Variants in ZNF423 observed in about 807,000 individuals in gnomAD.
ZNF423 encodes the protein Ebf-associated zinc finger protein.
ZNF423 carries 12 observed loss-of-function variants against 95.8 expected under a neutral mutation model. The ratio of observed to expected loss-of-function variants is 0.13; its 90% CI spans 0.08 to 0.20. The LOEUF is 0.20. Ranked by LOEUF, ZNF423 falls within the 10% of genes least tolerant of loss-of-function variation. The pLI, the probability that ZNF423 is intolerant of heterozygous loss-of-function variation, is 1.00. For synonymous variants in ZNF423, 749 were observed against 711.9 expected (o/e 1.05, Z -0.83); for missense variants, 1,316 against 1,737.1 (o/e 0.76, Z 4.31).
At chr16:49,563,219 G>T (rs1364618939) in intron 5 of ZNF423, among the ~76,000 whole-genome samples, 1 of 152,172 alleles carries the variant, frequency 6.6e-6, no homozygotes, top group East Asian at 1.9e-4. Flanking sequence ...ACAGGGGAAG[G>T]AGCGTGAGTG....
intron 5 of ZNF423, among the ~76,000 whole-genome samples, chr16:49,587,078 CA>C (rs1384996552): frequency 6.6e-6 from 1 of 152,148 alleles, no homozygotes; most frequent in African/African-American, 2.4e-5. Flanking sequence ...CTCGCTGTCA[CA>C]AAGAGAGGGA....
chr16:49,683,927 C>T (rs2031467054), intron 3 of ZNF423, among the ~76,000 whole-genome samples: 1 of 152,100 alleles, frequency 6.6e-6, no homozygotes, highest in African/African-American at 2.4e-5. Context: ...AAAAATTAGC[C>T]AGGCTTAGTG....
intron 1 of ZNF423, among the ~76,000 whole-genome samples, chr16:49,848,061 G>A (rs1056899233): frequency 6.6e-5 from 10 of 151,952 alleles, no homozygotes; most frequent in Admixed American, 3.9e-4. Flanking sequence ...CTACGATCAC[G>A]TCACTGCACT....
At chr16:49,499,499 G>A (rs967145194) in intron 7 of ZNF423, among the ~76,000 whole-genome samples, 8 of 152,234 alleles carry the variant, frequency 5.3e-5, no homozygotes, top group South Asian at 2.1e-4. Flanking sequence ...CAGATGCAGC[G>A]ACCTGAGTCA....
In ZNF423 at chr16:49,575,053, G is replaced by A. The variant is rs556602053; in HGVS notation, c.3602-49559C>T. Among the ~76,000 whole-genome samples, 42 of 152,212 alleles carry A rather than the reference G, an allele frequency of 2.8e-4. No individual in the cohort carries two copies. In the East Asian group the frequency reaches 7.7e-3, roughly 28 times the overall value. On this transcript the variant is annotated intron_variant, in intron 5 of 7. Transcript: ENST00000563137. ...ATGCAGCTTCCACAGGCGGATCGAG[G>A]GGTCGGGCCCATACCAGACTGCCAG...
chr16:49,511,051 G>C lies in ZNF423; in HGVS notation c.3849+12573C>G, dbSNP rs1967877754. On this transcript the variant is annotated intron_variant, in intron 7 of 7. Coordinates refer to ENST00000563137, the MANE Select transcript of ZNF423 (RefSeq NM_001379286.1). ...CTGGGCCTTGAGGGGAGGCCCCCCA[G>C]TCCCCACCTGGGCCTCCACACACTT... Among the ~76,000 whole-genome samples the C allele has an allele frequency of 2.0e-5, 3 of 152,304 alleles. No homozygotes were observed. In the South Asian group the frequency reaches 6.2e-4, roughly 32 times the overall value.
At chr16:49,561,850 G>T (rs1035641074) in intron 5 of ZNF423, among the ~76,000 whole-genome samples, 8 of 152,194 alleles carry the variant, frequency 5.3e-5, no homozygotes, top group African/African-American at 1.7e-4. Flanking sequence ...GAAGACGCCA[G>T]GATTGCGGTC....
At position 49,490,906 on chromosome 16, in the gene ZNF423, AAAAG is replaced by A. The variant is rs1966931210; in HGVS notation, c.*365_*368del. The A allele has an allele frequency of 4.8e-6, 1 of 209,052 alleles. No individual in the cohort carries two copies. Among genetic ancestry groups the A allele is most frequent in the Non-Finnish European group, 9.6e-6 (1 of 104,676 alleles). 12.9% of individuals were successfully genotyped at this position (209,052 alleles called of 1,614,324 possible). A position where few individuals can be genotyped will look rare whatever the true frequency, so the allele number is the denominator to read the frequency against. On this transcript the variant is annotated 3_prime_UTR_variant, in exon 8 of 8. Coordinates refer to ENST00000563137, the MANE Select transcript of ZNF423 (RefSeq NM_001379286.1). ...GGGGGAAGAAAAACAAGAAAGAAAA[AAAAG>A]AAGCAAAGAAAAAAAATCACACTAA...
rs370865299 is a variant in ZNF423 at position 49,852,466 on chromosome 16, T to C, written c.40+3269A>G. Among the ~76,000 whole-genome samples the C allele has an allele frequency of 3.3e-4, 50 of 152,194 alleles. No individual in the cohort carries two copies. The East Asian group carries it at 4.6e-3, about 14-fold the overall frequency. On this transcript the variant is annotated intron_variant, in intron 1 of 7. Coordinates refer to ENST00000563137, the MANE Select transcript of ZNF423 (RefSeq NM_001379286.1). ...GGGGACAGGCCTCCTTAATGTTGAG[T>C]GACAGAGAGAACTGCAGTGGTAATC... is the stretch of plus-strand genomic sequence containing the variant.
intron 3 of ZNF423, among the ~76,000 whole-genome samples, chr16:49,682,999 C>T (rs938361930): frequency 1.3e-5 from 2 of 152,158 alleles, no homozygotes; most frequent in African/African-American, 4.8e-5. Flanking sequence ...GCCGCTTTTC[C>T]GCCTGTGCCA....
rs1286584664 is a variant in ZNF423, at chr16:49,692,894, CT to C, written c.301+37876del. ...AAGGCAAGGGCTATTTCCTTCACCC[CT>C]GTGTCCTAAGCTTAGCCTAGCACTG... On this transcript the variant is annotated intron_variant, in intron 3 of 7. Transcript: ENST00000563137. 2.6e-5 allele frequency among the ~76,000 whole-genome samples: 4 copies of C among 152,250 alleles called. No homozygotes were observed. In the East Asian group the frequency reaches 7.7e-4, roughly 29 times the overall value.
intron 3 of ZNF423, among the ~76,000 whole-genome samples, chr16:49,643,695 C>T (rs542583867): frequency 6.6e-6 from 1 of 152,072 alleles, no homozygotes; most frequent in African/African-American, 2.4e-5. Context: ...AAAACACACA[C>T]ACACTTGCAA....
rs372785382 is a variant in ZNF423 at position 49,579,797 on chromosome 16, C to T, written c.3601+46373G>A. ...CAGGTAGTCAGTCCTGCGAGATGAC[C>T]TCTCCCATGGGAGGGCACAGGGAGG... is the stretch of plus-strand genomic sequence containing the variant. On this transcript the variant is annotated intron_variant, in intron 5 of 7. Transcript: ENST00000563137. 8.3e-4 allele frequency among the ~76,000 whole-genome samples: 127 copies of T among 152,280 alleles called. 2 individuals are homozygous for T. The highest frequency in any genetic ancestry group is 3.4e-3 in the Middle Eastern group (1 of 294).
chr16:49,858,543 G>A (rs891836713), upstream of ZNF423, among the ~76,000 whole-genome samples: 3 of 152,144 alleles, frequency 2.0e-5, no homozygotes, highest in African/African-American at 4.8e-5. The surrounding 1 kb of genome is among the most constrained non-coding windows in gnomAD (Gnocchi z 4.3). Flanking sequence ...AGCGGCAGCG[G>A]GCGAGCGAGG....
intron 1 of ZNF423, among the ~76,000 whole-genome samples, chr16:49,794,238 T>G (rs2034463907): frequency 6.1e-5 from 2 of 32,640 alleles, no homozygotes; most frequent in African/African-American, 9.7e-5. Context: ...TTGTTTTTGT[T>G]TTTTTTTTTT....
chr16:49,738,183 C>T (rs987027033), intron 2 of ZNF423, among the ~76,000 whole-genome samples: 3 of 152,232 alleles, frequency 2.0e-5, no homozygotes, highest in African/African-American at 7.2e-5. Flanking sequence ...CTGCAACATA[C>T]GGGGTGCTCC....
chr16:49,532,186 G>A (rs1211679505), intron 5 of ZNF423, among the ~76,000 whole-genome samples: 3 of 152,184 alleles, frequency 2.0e-5, no homozygotes, highest in Non-Finnish European at 4.4e-5. Context: ...GGTTACTCCT[G>A]GGATGGAAAT....
At chr16:49,838,762 GC>G (rs1222925134) in intron 1 of ZNF423, among the ~76,000 whole-genome samples, 2 of 151,854 alleles carry the variant, frequency 1.3e-5, no homozygotes, top group Non-Finnish European at 2.9e-5. Flanking sequence ...GGCCGCGTGA[GC>G]GAGCTGCGCA....
At chr16:49,716,116 C>A (rs1430456832) in intron 3 of ZNF423, among the ~76,000 whole-genome samples, 1 of 152,008 alleles carries the variant, frequency 6.6e-6, no homozygotes, top group Non-Finnish European at 1.5e-5. Flanking sequence ...CTGAGGACAG[C>A]GGAGGGCAGT....
Sources: allele counts gnomAD v4.1 joint callset (sites outside exome capture counted in the v4.1 genomes callset), GRCh38; gene constraint gnomAD v4.1.1; non-coding constraint Gnocchi (gnomAD v3.1); transcripts MANE v1.5; gene names NCBI Gene and HGNC (gene_info 2026-07-23, HGNC 2026-07-21).